Variants in PIAS2 observed in about 807,000 individuals in gnomAD.
PIAS2 encodes the protein protein inhibitor of activated STAT 2.
Under a neutral mutation model 69.7 loss-of-function variants are expected in PIAS2, and 19 were observed. That is an observed-to-expected ratio of 0.27 (90% confidence interval 0.19 to 0.40). The LOEUF (loss-of-function observed/expected upper bound fraction) is 0.40, where lower values mean the gene tolerates loss of function less well. PIAS2 is among the 10% of genes least tolerant of loss of function. The probability of loss-of-function intolerance (pLI) is 1.00; values close to 1 mark genes in which losing one functional copy is unlikely to be tolerated. For synonymous variants in PIAS2, 261 were observed against 263.2 expected (o/e 0.99, Z 0.08); for missense variants, 624 against 757.0 (o/e 0.82, Z 2.06).
intron 2 of PIAS2, among the ~76,000 whole-genome samples, chr18:46,878,111 A>G (rs1053232405): frequency 3.3e-5 from 5 of 152,178 alleles, no homozygotes; most frequent in Non-Finnish European, 7.4e-5. Flanking sequence ...AGACCAGAAT[A>G]TAACAGTCCT....
chr18:46,865,164 T>A (rs774580632), intron 2 of PIAS2, among the ~76,000 whole-genome samples: 1 of 152,142 alleles, frequency 6.6e-6, no homozygotes, highest in African/African-American at 2.4e-5. Context: ...TGTTCTAGTG[T>A]CCATTAAAAC....
intron 1 of PIAS2, 33 bp downstream of exon 1, chr18:46,917,288 TC>T: frequency 1.4e-6 from 2 of 1,446,826 alleles, no homozygotes; most frequent in Non-Finnish European, 1.8e-6. Context: ...TCCCATCCCC[TC>T]CCCCGCGGCC....
chr18:46,844,247 T>C (rs1029720966), intron 7 of PIAS2, 120 bp from the exon 8 acceptor site: 1 of 426,940 alleles, frequency 2.3e-6, no homozygotes, highest in Admixed American at 4.3e-5. Flanking sequence ...GACAACACGA[T>C]CACACTCCCA....
At chr18:46,896,405 C>T (rs746760312) in intron 1 of PIAS2, among the ~76,000 whole-genome samples, 1 of 152,044 alleles carries the variant, frequency 6.6e-6, no homozygotes, top group Non-Finnish European at 1.5e-5. Flanking sequence ...TATTGTCTTG[C>T]CCTCCCTCCA....
At chr18:46,889,569 A>AT (rs61018552) in intron 2 of PIAS2, among the ~76,000 whole-genome samples, 2 of 152,136 alleles carry the variant, frequency 1.3e-5, no homozygotes, top group Non-Finnish European at 2.9e-5. Context: ...TAAAAAAAAA[A>AT]GGAAAATAAA....
intron 11 of PIAS2, among the ~76,000 whole-genome samples, chr18:46,823,905 T>C (rs2042485215): frequency 6.6e-6 from 1 of 152,208 alleles, no homozygotes; most frequent in South Asian, 2.1e-4. Flanking sequence ...ATGCAAAAAA[T>C]AGATATGAGT....
chr18:46,832,274 G>A (rs1029191323), intron 9 of PIAS2, among the ~76,000 whole-genome samples: 1 of 151,998 alleles, frequency 6.6e-6, no homozygotes, highest in Admixed American at 6.6e-5. Context: ...AATTAGCCAG[G>A]CGTGGTGGCG....
At chr18:46,883,540 A>C (rs2052643087) in intron 2 of PIAS2, among the ~76,000 whole-genome samples, 2 of 152,086 alleles carry the variant, frequency 1.3e-5, no homozygotes, top group Non-Finnish European at 2.9e-5. Flanking sequence ...TCCTCTCCAC[A>C]AATAAAAAAA....
intron 2 of PIAS2, among the ~76,000 whole-genome samples, chr18:46,881,322 T>C (rs2052211330): frequency 1.3e-5 from 2 of 152,234 alleles, no homozygotes; most frequent in South Asian, 2.1e-4. Flanking sequence ...TGTACCATTT[T>C]ATTTTCTATT....
chr18:46,865,522 CAAAA>C (rs11321908), intron 2 of PIAS2, among the ~76,000 whole-genome samples: 3 of 108,254 alleles, frequency 2.8e-5, no homozygotes, highest in African/African-American at 1.0e-4. Context: ...CGATAGTCTT[CAAAA>C]AAAAAAAAAA....
intron 1 of PIAS2, among the ~76,000 whole-genome samples, chr18:46,894,238 A>G (rs2054506243): frequency 6.6e-6 from 1 of 152,218 alleles, no homozygotes; most frequent in South Asian, 2.1e-4. Context: ...AAATCTTACC[A>G]GATCCCACTT....
chr18:46,848,449 C>A (rs956708428), intron 5 of PIAS2, among the ~76,000 whole-genome samples: 1 of 152,142 alleles, frequency 6.6e-6, no homozygotes, highest in Non-Finnish European at 1.5e-5. Context: ...ACAGCTGACA[C>A]CTGGTCACCA....
chr18:46,841,367 T>A (rs1359001867), intron 8 of PIAS2, among the ~76,000 whole-genome samples: 1 of 152,214 alleles, frequency 6.6e-6, no homozygotes, highest in Non-Finnish European at 1.5e-5. Context: ...AGGGTTCACT[T>A]CTTATTTAAG....
In PIAS2 at chr18:46,888,972, T is replaced by G. The variant is rs78941153; in HGVS notation, c.499+1608A>C. ...ATACTTTTTGACAAGGGTGCTAAGA[T>G]CATTCAGTGAGGGAAAGGACAGGCT... On this transcript the variant is annotated intron_variant, in intron 2 of 13. Transcript: ENST00000585916. Among the ~76,000 whole-genome samples, 321 of 152,206 alleles carry G rather than the reference T, an allele frequency of 2.1e-3. 2 individuals carry two copies. Among genetic ancestry groups the G allele is most frequent in the African/African-American group, 7.3e-3 (304 of 41,510 alleles).
chr18:46,844,760 C>A lies in PIAS2; in HGVS notation c.941G>T (p.Arg314Ile). 1 of 1,456,492 alleles carries A rather than the reference C, an allele frequency of 6.9e-7. No homozygotes were observed. 90.2% of individuals were successfully genotyped at this position (1,456,492 alleles called of 1,614,324 possible). ...TAGTGCTCTGGAATGATCAGGGTTTCTAATACCTTTCATTTTTAATCTCTG... is the reference window on the plus strand; with the variant it reads ...TAGTGCTCTGGAATGATCAGGGTTTATAATACCTTTCATTTTTAATCTCTG... ...LLQRLKMKGI[R>I]NPDHSRALIK... Residue 314 changes from arginine to isoleucine, a missense_variant, in exon 7 of 14, where the codon AGA becomes ATA. Transcript: ENST00000585916.
intron 8 of PIAS2, among the ~76,000 whole-genome samples, chr18:46,838,488 G>A (rs2044787954): frequency 6.6e-6 from 1 of 152,154 alleles, no homozygotes; most frequent in Admixed American, 6.5e-5. Context: ...TGTCTAACCA[G>A]AGTTCTAAAA....
At chr18:46,826,926 T>C (rs912012059) in intron 11 of PIAS2, 2 of 152,138 alleles carry the variant, frequency 1.3e-5, no homozygotes, top group South Asian at 2.1e-4. Context: ...ACAGGCATTA[T>C]AGACACAAAA....
chr18:46,913,259 G>A (rs902585458), intron 1 of PIAS2, among the ~76,000 whole-genome samples: 1 of 152,110 alleles, frequency 6.6e-6, no homozygotes, highest in African/African-American at 2.4e-5. Flanking sequence ...ACTCCTGGTA[G>A]GTGTAAGGAA....
chr18:46,900,928 C>G, intron 1 of PIAS2: 1 of 283,914 alleles, frequency 3.5e-6, no homozygotes, highest in Non-Finnish European at 6.8e-6. Flanking sequence ...GAGCCGACGT[C>G]GTGCCATTGT....
Sources: allele counts gnomAD v4.1 joint callset (sites outside exome capture counted in the v4.1 genomes callset), GRCh38; gene constraint gnomAD v4.1.1; transcripts MANE v1.5; gene names NCBI Gene and HGNC (gene_info 2026-07-23, HGNC 2026-07-21).